LIPC: variants seen among roughly 807,000 people sequenced by gnomAD.
The protein encoded by LIPC is lipase C, hepatic type.
A neutral mutation model predicts 50.7 loss-of-function variants in LIPC; 44 were observed. The observed-to-expected ratio is 0.87, with a 90% CI of 0.68 to 1.11. The LOEUF (loss-of-function observed/expected upper bound fraction) is 1.11. Among genes scored for constraint, LIPC ranks in the 50% most tolerant of loss-of-function variants. LIPC has a pLI of 0.00. For missense variants in LIPC, 697 were observed against 648.2 expected, an observed-to-expected ratio of 1.08 and a Z score of -0.82; for synonymous variants, 271 against 256.4, an observed-to-expected ratio of 1.06 and a Z score of -0.54.
intron 6 of LIPC, among the ~76,000 whole-genome samples, chr15:58,550,345 G>A (rs1382578896): frequency 6.6e-6 from 1 of 152,136 alleles, no homozygotes; most frequent in Non-Finnish European, 1.5e-5. Context: ...GACATCTACT[G>A]GGGACTTGGA....
At chr15:58,556,892 T>C (rs1393549477) in intron 6 of LIPC, among the ~76,000 whole-genome samples, 1 of 152,244 alleles carries the variant, frequency 6.6e-6, no homozygotes, top group Non-Finnish European at 1.5e-5. Context: ...AAAGTTGTTG[T>C]AAAGAGAAAT....
chr15:58,513,496 C>T (rs751462598), intron 1 of LIPC, among the ~76,000 whole-genome samples: 4 of 152,172 alleles, frequency 2.6e-5, no homozygotes, highest in African/African-American at 4.8e-5. Context: ...CATGCAGAGC[C>T]GGCCCTTTCT....
intron 8 of LIPC, among the ~76,000 whole-genome samples, chr15:58,567,331 ATATATATGTATATG>A (rs1566955187): frequency 0.014 from 292 of 20,710 alleles, 3 homozygotes; most frequent in African/African-American, 0.048. Context: ...GTGTATATAT[ATATATATGTATATG>A]TATATATATA....
chr15:58,530,964 A>G (rs1475033424), intron 1 of LIPC, among the ~76,000 whole-genome samples: 1 of 152,248 alleles, frequency 6.6e-6, no homozygotes, highest in Non-Finnish European at 1.5e-5. Flanking sequence ...TAAAGCTGCC[A>G]TGAACATTTG....
chr15:58,477,970 C>T (rs1239612734), intron 1 of LIPC, among the ~76,000 whole-genome samples: 1 of 152,006 alleles, frequency 6.6e-6, no homozygotes, highest in Admixed American at 6.6e-5. Context: ...CCCTCCTCTC[C>T]AGCCAGGGGG....
At chr15:58,530,586 T>C (rs1968689) in intron 1 of LIPC, among the ~76,000 whole-genome samples, 130,661 of 152,260 alleles carry the variant, frequency 0.86, 57,149 homozygotes, top group East Asian at 0.97. Flanking sequence ...AATGTGCACT[T>C]GTGTAACCAT....
At chr15:58,464,080 GA>G (rs201463892) in intron 1 of LIPC, among the ~76,000 whole-genome samples, 3 of 150,052 alleles carry the variant, frequency 2.0e-5, no homozygotes, top group South Asian at 2.1e-4. Flanking sequence ...CATTTTTTTT[GA>G]AAAAAAAATT....
chr15:58,484,831 T>C (rs1247593213), intron 1 of LIPC, among the ~76,000 whole-genome samples: 2 of 152,122 alleles, frequency 1.3e-5, no homozygotes, highest in African/African-American at 4.8e-5. Context: ...ATTGAGGAAG[T>C]GACATTTACA....
chr15:58,442,998 C>T (rs1157103922), intron 1 of LIPC, among the ~76,000 whole-genome samples: 2 of 152,168 alleles, frequency 1.3e-5, no homozygotes, highest in Admixed American at 6.5e-5. Context: ...CTGCAATCCC[C>T]GCTTGCAGGG....
chr15:58,439,273 G>T (rs140105628), intron 1 of LIPC, among the ~76,000 whole-genome samples: 1 of 152,252 alleles, frequency 6.6e-6, no homozygotes, highest in African/African-American at 2.4e-5. Context: ...CTGAACTTTT[G>T]TCTCTTCCCC....
At chr15:58,470,114 T>TA (rs1386595160) in intron 1 of LIPC, among the ~76,000 whole-genome samples, 23 of 152,022 alleles carry the variant, frequency 1.5e-4, no homozygotes, top group African/African-American at 7.3e-5. Flanking sequence ...TGTAATTTTT[T>TA]AGAGATAAGG....
chr15:58,508,803 T>C (rs1892243970), intron 1 of LIPC, among the ~76,000 whole-genome samples: 1 of 152,062 alleles, frequency 6.6e-6, no homozygotes, highest in South Asian at 2.1e-4. Flanking sequence ...CCAACCAACC[T>C]GACCTTGGTG....
chr15:58,478,740 C>T (rs1188486335), intron 1 of LIPC, among the ~76,000 whole-genome samples: 1 of 152,210 alleles, frequency 6.6e-6, no homozygotes, highest in Non-Finnish European at 1.5e-5. Flanking sequence ...AACTACTGCA[C>T]GCTTGTTTTG....
At chr15:58,562,417 G>C (rs553791898) in intron 7 of LIPC, among the ~76,000 whole-genome samples, 1 of 152,290 alleles carries the variant, frequency 6.6e-6, no homozygotes, top group East Asian at 1.9e-4. Context: ...GGTATCTTTT[G>C]ACTTGGCACA....
At chr15:58,477,390 A>T (rs1440752874) in intron 1 of LIPC, among the ~76,000 whole-genome samples, 1 of 152,250 alleles carries the variant, frequency 6.6e-6, no homozygotes, top group Admixed American at 6.5e-5. Flanking sequence ...CCTGCATAGC[A>T]GTTTGACCCC....
At chr15:58,489,217 C>CGGGGGGGGGGGG (rs59532809) in intron 1 of LIPC, among the ~76,000 whole-genome samples, 7 of 16,536 alleles carry the variant, frequency 4.2e-4, no homozygotes, top group South Asian at 2.3e-3. Context: ...CATTTTGTTG[C>CGGGGGGGGGGGG]GGGGGCGGGG....
At chr15:58,477,839 C>A (rs532294267) in intron 1 of LIPC, among the ~76,000 whole-genome samples, 1 of 152,220 alleles carries the variant, frequency 6.6e-6, no homozygotes, top group South Asian at 2.1e-4. Context: ...CATGTCACTT[C>A]CCCCTAGACC....
At chr15:58,453,022 G>T (rs972158541) in intron 1 of LIPC, among the ~76,000 whole-genome samples, 11 of 152,192 alleles carry the variant, frequency 7.2e-5, no homozygotes, top group African/African-American at 2.7e-4. Context: ...TTCTCCAAAG[G>T]TCCATGCCCC....
Position 58,542,647 on chromosome 15 carries a change from C to A in LIPC, c.570C>A (p.Ile190=), listed in dbSNP as rs1266677117. 6 of 1,604,358 alleles carry A rather than the reference C, an allele frequency of 3.7e-6. No homozygotes were observed. The highest frequency in any genetic ancestry group is 3.3e-5 in the Admixed American group (2 of 59,992). ...GTGGAACGCACAAGATTGGGAGAAT[C>A]ACAGGTAACCATGCCTAATAACTCA... ...SIGGTHKIGR[I]TGLDAAGPLF... Residue 190 remains isoleucine, a synonymous_variant, in exon 4 of 9, where the codon ATC becomes ATA. Transcript: ENST00000299022.
Sources: allele counts gnomAD v4.1 joint callset (sites outside exome capture counted in the v4.1 genomes callset), GRCh38; gene constraint gnomAD v4.1.1; transcripts MANE v1.5; gene names NCBI Gene and HGNC (gene_info 2026-07-23, HGNC 2026-07-21).